RP1: variants seen among roughly 807,000 people sequenced by gnomAD.
RP1 encodes RP1 axonemal microtubule associated.
Under a neutral mutation model 14.8 loss-of-function variants are expected in RP1, and 16 were observed. That is an observed-to-expected ratio of 1.08 (90% CI 0.73 to 1.65). RP1 has a LOEUF of 1.65. RP1 is among the 40% of genes most tolerant of loss of function. The pLI, the probability that RP1 is intolerant of heterozygous loss-of-function variation, is 0.00. For synonymous variants in RP1, 876 were observed against 883.6 expected, an observed-to-expected ratio of 0.99 and a Z score of 0.15; for missense variants, 2,631 against 2,535.0, an observed-to-expected ratio of 1.04 and a Z score of -0.81.
chr8:54,850,811 G>C (rs182853233), intron 25 of RP1, among the ~76,000 whole-genome samples: 97 of 152,302 alleles, frequency 6.4e-4, no homozygotes, highest in African/African-American at 2.2e-3. Flanking sequence ...CAAATGCTTA[G>C]TGAATCATAT....
rs932511456 is a variant in RP1, at chr8:54,822,145, G to A, written c.3616-15305G>A. 2.4e-4 allele frequency among the ~76,000 whole-genome samples: 36 copies of A among 151,994 alleles called. 1 individual carries two copies. The highest frequency in any genetic ancestry group is 2.2e-3 in the Admixed American group (33 of 15,258). ...AAAATGTAGTTGTAATACAGAGAAG[G>A]GTATATATAATAGTTTAATTATTTA... is the stretch of plus-strand genomic sequence containing the variant. On this transcript the variant is annotated intron_variant, in intron 24 of 28. Coordinates refer to the RP1 transcript ENST00000637698.
At chr8:54,718,816 T>C (rs1808467853) in intron 15 of RP1, among the ~76,000 whole-genome samples, 1 of 152,078 alleles carries the variant, frequency 6.6e-6, no homozygotes, top group Non-Finnish European at 1.5e-5. Flanking sequence ...AAATAATCAG[T>C]GGTTGCTAGG....
intron 24 of RP1, among the ~76,000 whole-genome samples, chr8:54,807,431 C>G (rs1186651430): frequency 6.6e-6 from 1 of 152,156 alleles, no homozygotes; most frequent in Non-Finnish European, 1.5e-5. Flanking sequence ...CTCACTAGAT[C>G]CTTTCACTCT....
intron 24 of RP1, among the ~76,000 whole-genome samples, chr8:54,804,495 A>C (rs1033533620): frequency 2.0e-5 from 3 of 152,184 alleles, no homozygotes; most frequent in Non-Finnish European, 4.4e-5. Context: ...GAAAAATCAC[A>C]CAACTGTAAT....
At chr8:54,808,064 T>G (rs1261811429) in intron 24 of RP1, among the ~76,000 whole-genome samples, 2 of 152,140 alleles carry the variant, frequency 1.3e-5, no homozygotes, top group Non-Finnish European at 2.9e-5. Context: ...AGTAACCACA[T>G]GCAATAACCA....
chr8:54,778,663 A>C (rs778388032), intron 23 of RP1, among the ~76,000 whole-genome samples: 8 of 152,096 alleles, frequency 5.3e-5, no homozygotes, highest in Non-Finnish European at 1.0e-4. Flanking sequence ...TTGAGCTAGG[A>C]TGTTCACTAG....
rs1386120175 is a variant in RP1 at position 54,630,497 on chromosome 8, C to A, written c.*144C>A. The A allele has an allele frequency of 1.8e-5, 26 of 1,465,910 alleles. No homozygotes were observed. Among genetic ancestry groups the A allele is most frequent in the Non-Finnish European group, 2.3e-5 (26 of 1,114,960 alleles). The allele number at this position is 1,465,910 out of a possible 1,614,324, so 90.8% of individuals were successfully genotyped here. A position where few individuals can be genotyped will look rare whatever the true frequency, so the allele number is the denominator to read the frequency against. ...CTCTAGAAAGCTTACCCTTGGATAA[C>A]CAGTTTGACTTTCATAATGTCTCTG... On this transcript the variant is annotated 3_prime_UTR_variant, in exon 4 of 4. Coordinates refer to ENST00000220676, the MANE Select transcript of RP1 (RefSeq NM_006269.2).
intron 15 of RP1, among the ~76,000 whole-genome samples, chr8:54,718,162 T>C (rs1808448676): frequency 6.6e-6 from 1 of 152,190 alleles, no homozygotes; most frequent in African/African-American, 2.4e-5. Flanking sequence ...TATCATAGAT[T>C]CAATACAATT....
At chr8:54,721,690 G>A (rs1365150535) in intron 16 of RP1, among the ~76,000 whole-genome samples, 1 of 151,974 alleles carries the variant, frequency 6.6e-6, no homozygotes, top group African/African-American at 2.4e-5. Context: ...TAGCATGGAT[G>A]GTTTATGTTT....
chr8:54,622,719 C>T (rs1290291741), intron 3 of RP1, among the ~76,000 whole-genome samples: 3 of 152,174 alleles, frequency 2.0e-5, no homozygotes, highest in African/African-American at 7.2e-5. Context: ...TGTGCTCTGC[C>T]TTCTGAAGTT....
intron 19 of RP1, among the ~76,000 whole-genome samples, chr8:54,749,472 G>T (rs1809306748): frequency 6.6e-6 from 1 of 152,172 alleles, no homozygotes. Flanking sequence ...ACAACCCCAA[G>T]TCTTCTGGCC....
chr8:54,689,172 G>A (rs943139797), intron 12 of RP1, among the ~76,000 whole-genome samples: 11 of 152,116 alleles, frequency 7.2e-5, no homozygotes, highest in African/African-American at 2.7e-4. Context: ...TGTATCCTGA[G>A]ACTTTGCTGA....
chr8:54,744,430 G>A (rs968095829), intron 19 of RP1, among the ~76,000 whole-genome samples: 1 of 152,166 alleles, frequency 6.6e-6, no homozygotes, highest in African/African-American at 2.4e-5. Flanking sequence ...TCCTAAATAT[G>A]TAAAATAATT....
intron 25 of RP1, among the ~76,000 whole-genome samples, chr8:54,848,756 T>C (rs1402601051): frequency 6.6e-6 from 1 of 152,208 alleles, no homozygotes; most frequent in Non-Finnish European, 1.5e-5. Flanking sequence ...TTTATTTCTT[T>C]TTATTTTTTT....
At chr8:54,583,390 G>A (rs187197191) in intron 1 of RP1, among the ~76,000 whole-genome samples, 8,496 of 152,222 alleles carry the variant, frequency 0.056, 320 homozygotes, top group Non-Finnish European at 0.081. Context: ...TGTGCTGCTG[G>A]ATTCAGTTTG....
At chr8:54,623,323 C>T (rs2129315221) in intron 3 of RP1, among the ~76,000 whole-genome samples, 1 of 152,102 alleles carries the variant, frequency 6.6e-6, no homozygotes, top group East Asian at 1.9e-4. Flanking sequence ...GTTAAGTTTT[C>T]TTCAAAAATT....
At position 54,629,865 on chromosome 8, in the gene RP1, A is replaced by G. The variant is rs768479391; in HGVS notation, c.5983A>G (p.Ser1995Gly). The change falls in exon 4 of 4, where the codon AGT becomes GGT. Residue 1995 changes from serine to glycine, a missense_variant. Coordinates refer to ENST00000220676, the MANE Select transcript of RP1 (RefSeq NM_006269.2). The part of the protein sequence containing the change: ...IGDIFDQFYF[S>G]NTFDLMGKRR... Reference sequence around the variant, plus strand: ...TGATATATTTGATCAGTTTTATTTCAGTAACACATTTGACTTGATGGGTAA... The same window carrying G: ...TGATATATTTGATCAGTTTTATTTCGGTAACACATTTGACTTGATGGGTAA... The G allele has an allele frequency of 2.5e-6, 4 of 1,613,962 alleles. No homozygotes were observed. The East Asian group carries it at 8.9e-5, about 36-fold the overall frequency.
chr8:54,731,537 T>C (rs930485296), intron 17 of RP1, among the ~76,000 whole-genome samples: 1 of 152,172 alleles, frequency 6.6e-6, no homozygotes, highest in African/African-American at 2.4e-5. Context: ...TTACATGGTG[T>C]TCATATTTAA....
intron 12 of RP1, among the ~76,000 whole-genome samples, chr8:54,680,449 C>G (rs1807399232): frequency 6.6e-6 from 1 of 152,054 alleles, no homozygotes; most frequent in East Asian, 1.9e-4. Context: ...GACTATAAAC[C>G]CAAACCTCCA....
Sources: gnomAD v4.1 joint callset for allele counts (sites outside exome capture counted in the v4.1 genomes callset) on GRCh38, gnomAD v4.1.1 for gene constraint, MANE v1.5 for transcripts, NCBI Gene and HGNC (gene_info 2026-07-23, HGNC 2026-07-21) for gene names.